Variants in AKAP6 observed in about 807,000 individuals in gnomAD.
AKAP6 encodes A-kinase anchor protein 6.
A neutral mutation model predicts 188.5 loss-of-function variants in AKAP6; 58 were observed. That is an observed-to-expected ratio of 0.31 (90% CI 0.25 to 0.38). The LOEUF is 0.38. Among genes scored for constraint, AKAP6 ranks in the 10% least tolerant of loss-of-function variants. AKAP6 has a pLI of 1.00. For synonymous variants in AKAP6, 989 were observed against 998.6 expected (o/e 0.99, Z 0.18); for missense variants, 2,710 against 2,740.0 (o/e 0.99, Z 0.24).
At chr14:32,739,955 T>C (rs1231284240) in intron 11 of AKAP6, among the ~76,000 whole-genome samples, 3 of 152,088 alleles carry the variant, frequency 2.0e-5, no homozygotes, top group African/African-American at 4.8e-5. Context: ...TTCAAACTGT[T>C]CCCCATAGTG....
In AKAP6 at chr14:32,609,031, T is replaced by A. The variant is rs186877541; in HGVS notation, c.2730+8239T>A. Among the ~76,000 whole-genome samples, 593 of 152,268 alleles carry A rather than the reference T, an allele frequency of 3.9e-3. 10 individuals carry two copies. The highest frequency in any genetic ancestry group is 0.033 in the Admixed American group (506 of 15,290). ...GTGTGACTTACACTTTTTCCTGGAA[T>A]GTGTTGTTTCTGGCAGGGGAGCAGG... On this transcript the variant is annotated intron_variant, in intron 7 of 13. Coordinates refer to ENST00000280979, the MANE Select transcript of AKAP6 (RefSeq NM_004274.5).
intron 7 of AKAP6, among the ~76,000 whole-genome samples, chr14:32,642,674 G>C (rs755734493): frequency 7.2e-5 from 11 of 152,120 alleles, no homozygotes; most frequent in Non-Finnish European, 1.3e-4. Flanking sequence ...GTGACCTTCA[G>C]GTGATTAGAA....
At chr14:32,751,556 G>T (rs1955502) in intron 11 of AKAP6, among the ~76,000 whole-genome samples, 1 of 144,096 alleles carries the variant, frequency 6.9e-6, no homozygotes, top group African/African-American at 2.7e-5. Flanking sequence ...TGAAAATCCT[G>T]CTTTAGATCA....
At chr14:32,420,084 T>A (rs1889790107) in intron 1 of AKAP6, among the ~76,000 whole-genome samples, 1 of 152,130 alleles carries the variant, frequency 6.6e-6, no homozygotes, top group Non-Finnish European at 1.5e-5. Context: ...GCTTTATGTT[T>A]GCATACAAAT....
chr14:32,743,769 T>A (rs1955499), intron 11 of AKAP6, among the ~76,000 whole-genome samples: 120,598 of 152,110 alleles, frequency 0.79, 48,082 homozygotes, highest in East Asian at 1. Flanking sequence ...ATTATTTTTT[T>A]TTGGTTCATC....
intron 5 of AKAP6, among the ~76,000 whole-genome samples, chr14:32,579,716 A>G (rs546576402): frequency 1.3e-5 from 2 of 152,258 alleles, no homozygotes; most frequent in African/African-American, 4.8e-5. Context: ...CTCCTGATCA[A>G]TATTGTCATT....
At chr14:32,569,263 C>A (rs1393352790) in intron 4 of AKAP6, among the ~76,000 whole-genome samples, 1 of 152,164 alleles carries the variant, frequency 6.6e-6, no homozygotes, top group East Asian at 1.9e-4. Context: ...TATTCTAAAG[C>A]CTTCTCATTC....
At chr14:32,505,866 C>T (rs1478865269) in intron 2 of AKAP6, among the ~76,000 whole-genome samples, 1 of 152,048 alleles carries the variant, frequency 6.6e-6, no homozygotes, top group Non-Finnish European at 1.5e-5. Flanking sequence ...GAAAGTCTTA[C>T]ATGGTGGCTA....
chr14:32,661,390 G>A (rs917837673), intron 7 of AKAP6, among the ~76,000 whole-genome samples: 36 of 152,076 alleles, frequency 2.4e-4, no homozygotes, highest in South Asian at 6.2e-4. Context: ...GTGACAAAGC[G>A]GTTGCATGGT....
chr14:32,763,973 C>T (rs575153694), intron 11 of AKAP6, among the ~76,000 whole-genome samples: 4 of 152,230 alleles, frequency 2.6e-5, no homozygotes, highest in South Asian at 4.1e-4. Flanking sequence ...TTATTTGCAA[C>T]ATTTATATGC....
chr14:32,835,395 C>T lies in AKAP6; in HGVS notation c.*5590C>T, dbSNP rs996484568. On this transcript the variant is annotated 3_prime_UTR_variant, in exon 14 of 14. Coordinates refer to ENST00000280979, the MANE Select transcript of AKAP6 (RefSeq NM_004274.5). The stretch of plus-strand genomic sequence containing the variant: ...TGTTTAAGGATTTAAATTTAGTTCA[C>T]TATTACTGCCTGGCTTTGATTGATT... The T allele has an allele frequency of 2.0e-5, 3 of 152,130 alleles. No individual in the cohort carries two copies. Among genetic ancestry groups the T allele is most frequent in the Non-Finnish European group, 4.4e-5 (3 of 68,034 alleles). 9.4% of individuals were successfully genotyped at this position (152,130 alleles called of 1,614,324 possible). A position where few individuals can be genotyped will look rare whatever the true frequency, so the allele number is the denominator to read the frequency against.
chr14:32,803,263 G>A (rs2033998464), intron 12 of AKAP6, among the ~76,000 whole-genome samples: 1 of 149,678 alleles, frequency 6.7e-6, no homozygotes, highest in South Asian at 2.1e-4. Flanking sequence ...GGCCAACATG[G>A]GGAAACCCCG....
chr14:32,745,132 A>G (rs113080015), intron 11 of AKAP6, among the ~76,000 whole-genome samples: 1 of 152,140 alleles, frequency 6.6e-6, no homozygotes, highest in Non-Finnish European at 1.5e-5. Flanking sequence ...TGGTGAGGTC[A>G]TGTTTTCCTG....
chr14:32,516,839 C>G (rs570499000), intron 2 of AKAP6, among the ~76,000 whole-genome samples: 2 of 152,154 alleles, frequency 1.3e-5, no homozygotes, highest in African/African-American at 4.8e-5. Context: ...AATGAACAGC[C>G]CTATTGCCTT....
chr14:32,336,648 CTG>C (rs980819872), intron 1 of AKAP6, among the ~76,000 whole-genome samples: 1 of 152,176 alleles, frequency 6.6e-6, no homozygotes, highest in African/African-American at 2.4e-5. Flanking sequence ...CCAAGCATAT[CTG>C]TGGAGGCTCT....
chr14:32,645,230 C>T (rs1887936191), intron 7 of AKAP6, among the ~76,000 whole-genome samples: 1 of 152,064 alleles, frequency 6.6e-6, no homozygotes, highest in African/African-American at 2.4e-5. Flanking sequence ...TAGTATTAGG[C>T]AAAGCTATTT....
At chr14:32,745,237 G>C (rs1025052395) in intron 11 of AKAP6, among the ~76,000 whole-genome samples, 2 of 152,180 alleles carry the variant, frequency 1.3e-5, no homozygotes, top group East Asian at 3.9e-4. Context: ...GTTTGTACCT[G>C]TTCTTCTTGG....
chr14:32,633,515 A>G (rs962941375), intron 7 of AKAP6, among the ~76,000 whole-genome samples: 2 of 152,036 alleles, frequency 1.3e-5, no homozygotes, highest in Non-Finnish European at 2.9e-5. Flanking sequence ...TGCCCCATCA[A>G]CTTTTAGCTT....
chr14:32,786,667 T>C (rs958002136), intron 12 of AKAP6, among the ~76,000 whole-genome samples: 1 of 152,184 alleles, frequency 6.6e-6, no homozygotes, highest in African/African-American at 2.4e-5. Context: ...CTTTCCTGTC[T>C]GTTTTCTTAC....
Sources: allele counts gnomAD v4.1 joint callset (sites outside exome capture counted in the v4.1 genomes callset), GRCh38; gene constraint gnomAD v4.1.1; transcripts MANE v1.5; gene names NCBI Gene and HGNC (gene_info 2026-07-23, HGNC 2026-07-21).